The following ZHX2 variants were observed in gnomAD, a reference collection of about 807,000 sequenced individuals.
ZHX2 encodes zinc fingers and homeoboxes protein 2.
A neutral mutation model predicts 21.9 loss-of-function variants in ZHX2; 6 were observed. The observed-to-expected ratio is 0.27, with a 90% CI of 0.15 to 0.54. ZHX2 has a LOEUF of 0.54. Among genes scored for constraint, ZHX2 ranks in the 20% least tolerant of loss-of-function variants. The pLI, the probability that ZHX2 is intolerant of heterozygous loss-of-function variation, is 0.95. For missense variants in ZHX2, 908 were observed against 1,090.7 expected, an observed-to-expected ratio of 0.83 and a Z score of 2.36; for synonymous variants, 434 against 437.1, an observed-to-expected ratio of 0.99 and a Z score of 0.09.
chr8:122,907,727 C>G (rs1446458219), intron 2 of ZHX2, among the ~76,000 whole-genome samples: 1 of 152,186 alleles, frequency 6.6e-6, no homozygotes, highest in Non-Finnish European at 1.5e-5. Context: ...GTTTTCCCAT[C>G]TATAAAATGG....
chr8:122,950,752 T>G (rs1362870565), intron 2 of ZHX2, among the ~76,000 whole-genome samples: 3 of 152,116 alleles, frequency 2.0e-5, no homozygotes, highest in Admixed American at 2.0e-4. Flanking sequence ...TGGGAAACTG[T>G]TTAAGTGAGA....
intron 2 of ZHX2, among the ~76,000 whole-genome samples, chr8:122,918,361 A>T (rs961445741): frequency 3.9e-5 from 6 of 152,218 alleles, no homozygotes. Context: ...CAAATTGGGC[A>T]AAGCTGTTTT....
Position 122,937,933 on chromosome 8 carries a change from G to GTTTTTTTTTTTTTT in ZHX2, c.-219-13351_-219-13338dup, listed in dbSNP as rs71310636. Among the ~76,000 whole-genome samples the GTTTTTTTTTTTTTT allele has an allele frequency of 8.2e-5, 6 of 73,352 alleles. 1 individual carries two copies. Among genetic ancestry groups the GTTTTTTTTTTTTTT allele is most frequent in the East Asian group, 9.8e-4 (2 of 2,046 alleles). The allele number at this position is 73,352 out of a possible 152,430, so 48.1% of individuals were successfully genotyped here. On this transcript the variant is annotated intron_variant, in intron 2 of 3. Transcript: ENST00000314393. ...ATTATGTTTCCTGGTTTTCTTTTTGGTTTTTTTTTTTTTTTTTTTTTGAGA... is the reference window on the plus strand; with the variant it reads ...ATTATGTTTCCTGGTTTTCTTTTTGGTTTTTTTTTTTTTTTTTTTTTTTTTTTTTTTTTTTGAGA...
chr8:122,839,332 C>T (rs1818572595), intron 1 of ZHX2, among the ~76,000 whole-genome samples: 1 of 152,152 alleles, frequency 6.6e-6, no homozygotes, highest in Admixed American at 6.6e-5. Flanking sequence ...TTCATCTAAA[C>T]CCTTCTTCCA....
At chr8:122,816,262 T>A (rs999936811) in intron 1 of ZHX2, 3 of 152,128 alleles carry the variant, frequency 2.0e-5, no homozygotes, top group African/African-American at 7.2e-5. Flanking sequence ...GTGCATTTTT[T>A]TTATGTGTAC....
intron 1 of ZHX2, among the ~76,000 whole-genome samples, chr8:122,841,464 T>G (rs1488865620): frequency 6.6e-6 from 1 of 151,542 alleles, no homozygotes; most frequent in African/African-American, 2.4e-5. Flanking sequence ...AAAACCCACC[T>G]CCTGCCTCAC....
At chr8:122,955,069 CGGG>C (rs35647179) in intron 3 of ZHX2, among the ~76,000 whole-genome samples, 4 of 20,690 alleles carry the variant, frequency 1.9e-4, no homozygotes, top group African/African-American at 5.4e-4. Flanking sequence ...TCACATAAGC[CGGG>C]GGGGGGGGGG....
chr8:122,902,162 T>C (rs58616953), intron 2 of ZHX2, among the ~76,000 whole-genome samples: 5,501 of 152,212 alleles, frequency 0.036, 326 homozygotes, highest in African/African-American at 0.13. Context: ...GGCTAATGGG[T>C]CCTCCTCCTA....
chr8:122,958,810 T>C (rs764807146), intron 3 of ZHX2, among the ~76,000 whole-genome samples: 1 of 152,232 alleles, frequency 6.6e-6, no homozygotes, highest in African/African-American at 2.4e-5. Flanking sequence ...ATCCACAATG[T>C]ATTCATTCAG....
intron 2 of ZHX2, among the ~76,000 whole-genome samples, chr8:122,912,580 G>T (rs59263974): frequency 0.023 from 3,529 of 152,298 alleles, 123 homozygotes; most frequent in African/African-American, 0.08. Context: ...CCTTTAGACA[G>T]CACTTATATT....
chr8:122,967,844 A>G lies in ZHX2; in HGVS notation c.*5-5398A>G, dbSNP rs560829587. Reference sequence around the variant, plus strand: ...AGAAGGGGATATAATTCTGCCCTACATTGGCCAGGATGAGTACTCGGGTTT... The same window carrying G: ...AGAAGGGGATATAATTCTGCCCTACGTTGGCCAGGATGAGTACTCGGGTTT... On this transcript the variant is annotated intron_variant, in intron 3 of 3. Transcript: ENST00000314393. 9.8e-5 allele frequency among the ~76,000 whole-genome samples: 15 copies of G among 152,296 alleles called. No individual in the cohort carries two copies. In the East Asian group the frequency reaches 2.9e-3, roughly 29 times the overall value.
chr8:122,945,256 C>T (rs1041428675), intron 2 of ZHX2, among the ~76,000 whole-genome samples: 1 of 151,168 alleles, frequency 6.6e-6, no homozygotes, highest in Non-Finnish European at 1.5e-5. Context: ...GGTTCTGGCT[C>T]ATACTCATAC....
At chr8:122,891,488 T>C (rs1819977857) in intron 2 of ZHX2, among the ~76,000 whole-genome samples, 1 of 152,194 alleles carries the variant, frequency 6.6e-6, no homozygotes, top group East Asian at 1.9e-4. Context: ...TTGTTCTTGA[T>C]TTTCTAGATC....
chr8:122,843,843 C>T (rs1339668733), intron 1 of ZHX2, among the ~76,000 whole-genome samples: 1 of 151,974 alleles, frequency 6.6e-6, no homozygotes, highest in Non-Finnish European at 1.5e-5. Context: ...AAAGATTTGT[C>T]TGGTGTATAA....
intron 2 of ZHX2, among the ~76,000 whole-genome samples, chr8:122,904,462 C>G (rs1217548319): frequency 6.6e-6 from 1 of 152,102 alleles, no homozygotes; most frequent in African/African-American, 2.4e-5. Context: ...GGTAACCTGG[C>G]CTTATCCACT....
chr8:122,879,217 GT>G (rs981749097), intron 2 of ZHX2, among the ~76,000 whole-genome samples: 3 of 151,856 alleles, frequency 2.0e-5, no homozygotes, highest in African/African-American at 7.3e-5. Flanking sequence ...TTTGTTTTGG[GT>G]TTTTTTTGAG....
chr8:122,829,017 A>G (rs190142598), intron 1 of ZHX2, among the ~76,000 whole-genome samples: 258 of 152,350 alleles, frequency 1.7e-3, no homozygotes, highest in Non-Finnish European at 3.3e-3. Context: ...TAAATAGAAT[A>G]TTATAGAACA....
chr8:122,872,988 G>A (rs1216673081), intron 2 of ZHX2, among the ~76,000 whole-genome samples: 3 of 152,124 alleles, frequency 2.0e-5, no homozygotes, highest in African/African-American at 7.2e-5. Flanking sequence ...AGAAACTCAG[G>A]TCACCTGTCT....
intron 2 of ZHX2, among the ~76,000 whole-genome samples, chr8:122,865,407 C>T (rs897016113): frequency 5.9e-5 from 9 of 152,036 alleles, no homozygotes; most frequent in Admixed American, 1.3e-4. Flanking sequence ...GGATTACAGG[C>T]GTGAGCCACC....
Sources: allele counts gnomAD v4.1 joint callset (sites outside exome capture counted in the v4.1 genomes callset), GRCh38; gene constraint gnomAD v4.1.1; transcripts MANE v1.5; gene names NCBI Gene and HGNC (gene_info 2026-07-23, HGNC 2026-07-21).